Variants in CSMD3 observed in about 807,000 individuals in gnomAD.
CSMD3 encodes the protein CUB and sushi domain-containing protein 3.
CSMD3 carries 177 observed loss-of-function variants against 435.2 expected under a neutral mutation model. That is an observed-to-expected ratio of 0.41 (90% CI 0.36 to 0.46). The LOEUF (loss-of-function observed/expected upper bound fraction) is 0.46, where lower values mean the gene tolerates loss of function less well. Among genes scored for constraint, CSMD3 ranks in the 20% least tolerant of loss-of-function variants. The pLI, the probability that CSMD3 is intolerant of heterozygous loss-of-function variation, is 0.34. For synonymous variants in CSMD3, 1,656 were observed against 1,520.5 expected, an observed-to-expected ratio of 1.09 and a Z score of -2.07; for missense variants, 4,265 against 4,504.6, an observed-to-expected ratio of 0.95 and a Z score of 1.52.
At chr8:112,645,325 T>G (rs2074950770) in intron 19 of CSMD3, 100 bp from the exon 20 acceptor site, 3 of 761,568 alleles carry the variant, frequency 3.9e-6, no homozygotes, top group Admixed American at 3.6e-5. Flanking sequence ...CGCATTATCT[T>G]TGCTTATGCT....
intron 31 of CSMD3, among the ~76,000 whole-genome samples, chr8:112,485,856 C>T (rs149980684): frequency 6.2e-4 from 94 of 152,036 alleles, no homozygotes; most frequent in Middle Eastern, 3.4e-3. Flanking sequence ...TGCCAGAAGA[C>T]CGCTGGATGT....
intron 10 of CSMD3, among the ~76,000 whole-genome samples, chr8:112,879,880 T>C (rs533603885): frequency 6.6e-6 from 1 of 151,870 alleles, no homozygotes; most frequent in Admixed American, 6.6e-5. Context: ...TGAGAATACA[T>C]GGATACAGGA....
rs73335530 is a variant in CSMD3, at chr8:113,234,841, G to A, written c.514+43751C>T. Among the ~76,000 whole-genome samples the A allele has an allele frequency of 3.6e-3, 543 of 152,170 alleles. 2 individuals are homozygous for A. Among genetic ancestry groups the A allele is most frequent in the African/African-American group, 0.012 (500 of 41,522 alleles). Reference sequence around the variant, plus strand: ...CTCAAGTTCAGCTAACACGTGTGACGATTTTCTGTCAGCTTAAAGAAACTG... The same window carrying A: ...CTCAAGTTCAGCTAACACGTGTGACAATTTTCTGTCAGCTTAAAGAAACTG... On this transcript the variant is annotated intron_variant, in intron 3 of 70. Coordinates refer to ENST00000297405, the MANE Select transcript of CSMD3 (RefSeq NM_198123.2).
chr8:112,827,164 AATATATATATATATATAT>A (rs3047126), intron 12 of CSMD3, among the ~76,000 whole-genome samples: 23,307 of 83,462 alleles, frequency 0.28, 3,524 homozygotes, highest in Middle Eastern at 0.35. Context: ...GGTTACCATA[AATATATATATATATATAT>A]ATATATATAT....
chr8:112,975,934 G>C lies in CSMD3; in HGVS notation c.1245C>G (p.Leu415=), dbSNP rs370973194. ...TTTGTGTATCTGCTGGATGAGGAGA[G>C]AGCCCGTCCTTGGACGTGTTGGGGT... The part of the protein sequence containing the change: ...GLDPNTSKDG[L]SPHPADTQST... Residue 415 remains leucine, a synonymous_variant, in exon 7 of 71, where the codon CTC becomes CTG. Transcript: ENST00000297405. The C allele has an allele frequency of 6.2e-6, 10 of 1,614,074 alleles. No individual in the cohort carries two copies. In the East Asian group the frequency reaches 6.7e-5, roughly 11 times the overall value.
chr8:112,808,438 C>G (rs2079144256), intron 12 of CSMD3, among the ~76,000 whole-genome samples: 1 of 152,004 alleles, frequency 6.6e-6, no homozygotes, highest in African/African-American at 2.4e-5. Context: ...ACTTGCAGCC[C>G]CTTACCCACC....
At chr8:113,060,689 G>A (rs1338834730) in intron 5 of CSMD3, among the ~76,000 whole-genome samples, 11 of 151,952 alleles carry the variant, frequency 7.2e-5, no homozygotes, top group African/African-American at 2.7e-4. Flanking sequence ...TTATGCATTT[G>A]GATTTTCTTT....
intron 1 of CSMD3, among the ~76,000 whole-genome samples, chr8:113,336,725 T>C (rs2094077936): frequency 6.6e-6 from 1 of 152,068 alleles, no homozygotes; most frequent in Non-Finnish European, 1.5e-5. Flanking sequence ...ACTAGATCTC[T>C]TTTGACACCA....
chr8:112,311,588 A>G (rs1586736075), intron 49 of CSMD3, among the ~76,000 whole-genome samples: 1 of 152,198 alleles, frequency 6.6e-6, no homozygotes, highest in Admixed American at 6.5e-5. Flanking sequence ...AGACACCTCT[A>G]CCATGTTAGG....
chr8:112,437,870 C>T (rs554319799), intron 32 of CSMD3, among the ~76,000 whole-genome samples: 1 of 152,228 alleles, frequency 6.6e-6, no homozygotes, highest in African/African-American at 2.4e-5. Flanking sequence ...CTTCAATTAA[C>T]TTATACGTCA....
At chr8:112,435,319 A>G (rs898261356) in intron 32 of CSMD3, among the ~76,000 whole-genome samples, 4 of 152,082 alleles carry the variant, frequency 2.6e-5, no homozygotes, top group Admixed American at 2.6e-4. Flanking sequence ...CTCTATAACC[A>G]TTATCTCTGA....
intron 30 of CSMD3, among the ~76,000 whole-genome samples, chr8:112,494,507 C>CTT (rs1248434917): frequency 4.1e-5 from 2 of 48,640 alleles, no homozygotes; most frequent in African/African-American, 1.3e-4. Flanking sequence ...TTCTTTCTTT[C>CTT]TTTCTTTCTT....
At chr8:112,671,178 G>C (rs1235318277) in intron 16 of CSMD3, among the ~76,000 whole-genome samples, 1 of 152,030 alleles carries the variant, frequency 6.6e-6, no homozygotes, top group Non-Finnish European at 1.5e-5. Context: ...ATTTAGACAG[G>C]CTTCTTCCTG....
At chr8:112,511,379 CTTTTCTT>C (rs1823105105) in intron 28 of CSMD3, among the ~76,000 whole-genome samples, 1 of 88,446 alleles carries the variant, frequency 1.1e-5, no homozygotes, top group East Asian at 4.2e-4. Flanking sequence ...GTGGCATTTT[CTTTTCTT>C]TTTTTTTTTT....
chr8:112,276,935 A>G (rs1345114737), intron 59 of CSMD3, among the ~76,000 whole-genome samples: 1 of 151,968 alleles, frequency 6.6e-6, no homozygotes, highest in African/African-American at 2.4e-5. Flanking sequence ...CCTAGACTGC[A>G]CACAGCAGGA....
chr8:113,123,182 CA>C (rs2091034269), intron 4 of CSMD3, among the ~76,000 whole-genome samples: 1 of 152,074 alleles, frequency 6.6e-6, no homozygotes, highest in East Asian at 1.9e-4. Context: ...TCTAATCCAG[CA>C]ACCTTGTCCT....
At chr8:112,250,138 G>C (rs1214348419) in intron 63 of CSMD3, among the ~76,000 whole-genome samples, 1 of 151,666 alleles carries the variant, frequency 6.6e-6, no homozygotes, top group Non-Finnish European at 1.5e-5. Flanking sequence ...GGGTATATTT[G>C]GGTTATTTCA....
At chr8:112,966,372 A>G (rs2084415280) in intron 7 of CSMD3, among the ~76,000 whole-genome samples, 1 of 151,588 alleles carries the variant, frequency 6.6e-6, no homozygotes, top group Non-Finnish European at 1.5e-5. Flanking sequence ...ATATATATAA[A>G]ATAAGAAAAC....
chr8:112,895,222 T>C (rs1003526792), intron 10 of CSMD3, among the ~76,000 whole-genome samples: 6 of 151,330 alleles, frequency 4.0e-5, no homozygotes, highest in Admixed American at 2.0e-4. Flanking sequence ...ATATAAGCTA[T>C]ATATATATTA....
Sources: gnomAD v4.1 joint callset for allele counts (sites outside exome capture counted in the v4.1 genomes callset) on GRCh38, gnomAD v4.1.1 for gene constraint, MANE v1.5 for transcripts, NCBI Gene and HGNC (gene_info 2026-07-23, HGNC 2026-07-21) for gene names.